The following PLA2G4D variants were observed in gnomAD, a reference collection of about 807,000 sequenced individuals.
The protein encoded by PLA2G4D is cytosolic phospholipase A2 delta.
PLA2G4D carries 80 observed loss-of-function variants against 94.4 expected under a neutral mutation model. The observed-to-expected ratio is 0.85, with a 90% CI of 0.71 to 1.02. The LOEUF is 1.02. Ranked by LOEUF, PLA2G4D falls within the 50% of genes least tolerant of loss-of-function variation. The pLI, the probability that PLA2G4D is intolerant of heterozygous loss-of-function variation, is 0.00. For missense variants in PLA2G4D, 1,050 were observed against 1,034.7 expected (o/e 1.01, Z -0.20); for synonymous variants, 438 against 440.9 (o/e 0.99, Z 0.08).
At chr15:42,081,188 G>A (rs556865757) in intron 11 of PLA2G4D, 55 bp from the exon 12 acceptor site, 3 of 1,589,154 alleles carry the variant, frequency 1.9e-6, no homozygotes, top group South Asian at 1.2e-5. Context: ...GCTGCCTCCT[G>A]TCTCACCCAG....
rs750042460 is a variant in PLA2G4D at position 42,085,129 on chromosome 15, G to T, written c.438C>A (p.Arg146=). The T allele has an allele frequency of 6.2e-7, 1 of 1,614,094 alleles. No homozygotes were observed. Among genetic ancestry groups the T allele is most frequent in the African/African-American group, 1.3e-5 (1 of 74,940 alleles). The change falls in exon 6 of 20, where the codon CGC becomes CGA. Residue 146 remains arginine, a synonymous_variant. Coordinates refer to ENST00000290472, the MANE Select transcript of PLA2G4D (RefSeq NM_178034.4). ...CTTTGTTGGTGATGAGGTTTTCTGG[G>T]CGATCTGACCTGGAAAAATCAAACC... ...VEFLMEETSD[R]PENLITNKVI... is the part of the protein sequence containing the mutation.
intron 8 of PLA2G4D, 131 bp downstream of exon 8, chr15:42,083,067 G>T: frequency 2.4e-6 from 3 of 1,232,596 alleles, no homozygotes; most frequent in Non-Finnish European, 3.3e-6. Flanking sequence ...AGAGTGAGGT[G>T]CCTAACTAGG....
At chr15:42,090,723 G>C (rs1890232056) in intron 1 of PLA2G4D, among the ~76,000 whole-genome samples, 2 of 152,208 alleles carry the variant, frequency 1.3e-5, no homozygotes, top group South Asian at 2.1e-4. Context: ...CTGACACTTA[G>C]GCTTTTGTTT....
intron 13 of PLA2G4D, among the ~76,000 whole-genome samples, chr15:42,073,895 C>T (rs1264628540): frequency 6.6e-6 from 1 of 152,122 alleles, no homozygotes; most frequent in African/African-American, 2.4e-5. Flanking sequence ...CTGACGAGAA[C>T]ACTCATGTGT....
intron 13 of PLA2G4D, among the ~76,000 whole-genome samples, chr15:42,073,476 A>C (rs1020783995): frequency 6.6e-6 from 1 of 152,226 alleles, no homozygotes; most frequent in African/African-American, 2.4e-5. Flanking sequence ...CACCTTGGGA[A>C]GGATTCTGCC....
intron 12 of PLA2G4D, among the ~76,000 whole-genome samples, chr15:42,080,458 A>G (rs1890016162): frequency 6.6e-6 from 1 of 152,210 alleles, no homozygotes; most frequent in Non-Finnish European, 1.5e-5. Flanking sequence ...TAGAAATAGT[A>G]TCTCGACCTC....
rs961906835 is a variant in PLA2G4D at position 42,085,661 on chromosome 15, C to T, written c.388-130G>A. On this transcript the variant is annotated intron_variant, in intron 4 of 19. Coordinates refer to ENST00000290472, the MANE Select transcript of PLA2G4D (RefSeq NM_178034.4). ...GGAGGCACGTTAGTACAATTATTTC[C>T]AATTTATGGATGAGGAAACTGAGGT... is the stretch of plus-strand genomic sequence containing the variant. 7 of 881,000 alleles carry T rather than the reference C, an allele frequency of 7.9e-6. No homozygotes were observed. The African/African-American group carries it at 1.1e-4, about 14-fold the overall frequency. The allele number at this position is 881,000 out of a possible 1,614,324, so 54.6% of individuals were successfully genotyped here.
intron 13 of PLA2G4D, among the ~76,000 whole-genome samples, chr15:42,077,332 G>A (rs1035344480): frequency 1.3e-5 from 2 of 152,100 alleles, no homozygotes; most frequent in African/African-American, 2.4e-5. Flanking sequence ...AAAAGTTCTC[G>A]ACAAAATACT....
intron 13 of PLA2G4D, among the ~76,000 whole-genome samples, chr15:42,078,327 G>A (rs964234876): frequency 6.6e-6 from 1 of 152,230 alleles, no homozygotes; most frequent in Non-Finnish European, 1.5e-5. Context: ...TGCCCCTGGG[G>A]CAGGAGTGAA....
intron 5 of PLA2G4D, 81 bp from the exon 6 acceptor site, chr15:42,085,219 A>G (rs1890118560): frequency 6.6e-7 from 1 of 1,512,880 alleles, no homozygotes; most frequent in African/African-American, 1.4e-5. Context: ...TCCCTGGGTG[A>G]TGCTGAGGGC....
rs760087005 is a variant in PLA2G4D, at chr15:42,079,679, A to G, written c.1175T>C (p.Leu392Pro). The change falls in exon 13 of 20, where the codon CTG becomes CCG. Residue 392 changes from leucine (L) to proline (P), a missense_variant. Physicochemically the swap from Leu to Pro is moderately conservative, Grantham distance 98. Coordinates refer to ENST00000290472, the MANE Select transcript of PLA2G4D (RefSeq NM_178034.4). Reference sequence around the variant, plus strand: ...AAAGACCTCCAGCTTGCTCTTGGCCAGGTGCTCCCGGGCGTATCTGATAGG... The same window carrying G: ...AAAGACCTCCAGCTTGCTCTTGGCCGGGTGCTCCCGGGCGTATCTGATAGG... ...EGPIRYAREH[L>P]AKSKLEVFSP... 2 of 1,612,986 alleles carry G rather than the reference A, an allele frequency of 1.2e-6. No homozygotes were observed. The highest frequency in any genetic ancestry group is 8.5e-7 in the Non-Finnish European group (1 of 1,179,560).
chr15:42,082,611 G>A (rs1890059552), intron 8 of PLA2G4D, among the ~76,000 whole-genome samples: 1 of 152,176 alleles, frequency 6.6e-6, no homozygotes, highest in South Asian at 2.1e-4. Flanking sequence ...AAAGACATGG[G>A]TAATGAACTG....
chr15:42,085,442 T>G, intron 5 of PLA2G4D, 49 bp downstream of exon 5: 7 of 1,605,214 alleles, frequency 4.4e-6, no homozygotes, highest in Non-Finnish European at 4.3e-6. Flanking sequence ...GGCCATTTCC[T>G]CAGAGCCTGA....
At chr15:42,088,660 T>C (rs1410554836) in intron 1 of PLA2G4D, among the ~76,000 whole-genome samples, 1 of 152,190 alleles carries the variant, frequency 6.6e-6, no homozygotes, top group East Asian at 1.9e-4. Context: ...TTTTTTCCTG[T>C]GGGCTGACCC....
chr15:42,071,025 C>G, intron 17 of PLA2G4D, 98 bp downstream of exon 17: 1 of 1,545,894 alleles, frequency 6.5e-7, no homozygotes, highest in Non-Finnish European at 8.7e-7. Flanking sequence ...GGCCACACCC[C>G]AGAAGTGGAT....
Position 42,072,384 on chromosome 15 carries a change from A to G in PLA2G4D, c.1326T>C (p.Asp442=), listed in dbSNP as rs1889843915. 6.2e-7 allele frequency: 1 copy of G among 1,612,534 alleles called. No homozygotes were observed. The highest frequency in any genetic ancestry group is 1.3e-5 in the African/African-American group (1 of 74,850). ...CGGCTCTCTGTCCTGACAGCTTCTGATCCATCACCTGGGGCCAGAGGGCAT... is the reference window on the plus strand; with the variant it reads ...CGGCTCTCTGTCCTGACAGCTTCTGGTCCATCACCTGGGGCCAGAGGGCAT... ...LESMLHGQVM[D]QKLSGQRAAL... is the part of the protein sequence containing the mutation. The change falls in exon 14 of 20, where the codon GAT becomes GAC. Residue 442 remains aspartate (D), a synonymous_variant. Transcript: ENST00000290472.
chr15:42,086,393 G>A (rs1229733137), intron 3 of PLA2G4D, 49 bp from the exon 4 acceptor site: 1 of 1,595,046 alleles, frequency 6.3e-7, no homozygotes, highest in Non-Finnish European at 8.6e-7. Context: ...CATAGTGAGA[G>A]TAGCTCACCT....
intron 14 of PLA2G4D, 118 bp downstream of exon 14, chr15:42,072,157 C>T: frequency 9.4e-7 from 1 of 1,063,878 alleles, no homozygotes; most frequent in Non-Finnish European, 1.4e-6. Context: ...AGCACCACTG[C>T]CCTTCCGGAA....
chr15:42,088,355 G>A (rs998976331), intron 1 of PLA2G4D, among the ~76,000 whole-genome samples: 1 of 152,228 alleles, frequency 6.6e-6, no homozygotes, highest in African/African-American at 2.4e-5. Flanking sequence ...GCCCAGGTGT[G>A]AGGGAGAAGC....
Sources: gnomAD v4.1 joint callset for allele counts (sites outside exome capture counted in the v4.1 genomes callset) on GRCh38, gnomAD v4.1.1 for gene constraint, MANE v1.5 for transcripts, NCBI Gene and HGNC (gene_info 2026-07-23, HGNC 2026-07-21) for gene names.